PCDH11X: variants seen among roughly 807,000 people sequenced by gnomAD.
The protein encoded by PCDH11X is protocadherin 11 X-linked, also known as protocadherin-11 X-linked.
PCDH11X carries 18 observed loss-of-function variants against 53.3 expected under a neutral mutation model. The ratio of observed to expected loss-of-function variants is 0.34; its 90% confidence interval spans 0.23 to 0.50. PCDH11X has a LOEUF of 0.50. PCDH11X is among the 20% of genes least tolerant of loss of function. The pLI, the probability that PCDH11X is intolerant of heterozygous loss-of-function variation, is 0.98. For synonymous variants in PCDH11X, 279 were observed against 393.3 expected (o/e 0.71, Z 3.44); for missense variants, 570 against 1,032.4 (o/e 0.55, Z 6.14).
intron 9 of PCDH11X, among the ~76,000 whole-genome samples, chrX:92,433,725 C>A (rs1216218849): frequency 9.0e-6 from 1 of 111,522 alleles, no homozygotes; most frequent in Admixed American, 9.5e-5. Flanking sequence ...ATGTGCAGGA[C>A]AAATGATATA....
intron 10 of PCDH11X, among the ~76,000 whole-genome samples, chrX:92,563,046 C>A (rs1193448309): frequency 3.1e-5 from 2 of 65,440 alleles, no homozygotes; most frequent in African/African-American, 1.2e-4. Context: ...TCCTTGGTAC[C>A]GTTTTTTTTT....
At chrX:91,875,213 C>T (rs1309203073) in intron 5 of PCDH11X, among the ~76,000 whole-genome samples, 9 of 108,763 alleles carry the variant, frequency 8.3e-5, no homozygotes, top group Admixed American at 8.0e-4. Context: ...CATTTCTCCT[C>T]GGTAAGCTGG....
chrX:92,293,528 G>T (rs1181596936), intron 8 of PCDH11X, among the ~76,000 whole-genome samples: 1 of 108,354 alleles, frequency 9.2e-6, no homozygotes, highest in Non-Finnish European at 1.9e-5. Context: ...GGAGGCTGAG[G>T]CAGGAGAATG....
intron 10 of PCDH11X, among the ~76,000 whole-genome samples, chrX:92,609,651 G>T (rs1927160065): frequency 9.1e-6 from 1 of 109,954 alleles, no homozygotes; most frequent in South Asian, 3.9e-4. Flanking sequence ...TTGATTCAGG[G>T]GGTACATGTG....
At chrX:92,608,825 C>T (rs1927071015) in intron 10 of PCDH11X, among the ~76,000 whole-genome samples, 1 of 110,984 alleles carries the variant, frequency 9.0e-6, no homozygotes, top group South Asian at 3.7e-4. Context: ...TGCATACAAT[C>T]ATGTATCTAT....
chrX:92,506,059 T>G (rs1339489404), intron 10 of PCDH11X, among the ~76,000 whole-genome samples: 4 of 110,735 alleles, frequency 3.6e-5, no homozygotes, highest in African/African-American at 1.3e-4. Context: ...TGGGAGCTTT[T>G]GGGCAGAGAC....
intron 5 of PCDH11X, among the ~76,000 whole-genome samples, chrX:91,875,301 TGAGAC>T (rs1280967398): frequency 1.7e-4 from 16 of 92,944 alleles, no homozygotes; most frequent in African/African-American, 7.4e-4. Context: ...TTTTTTTTTT[TGAGAC>T]GAGTCTCACT....
chrX:92,387,247 A>G (rs1012219538), intron 8 of PCDH11X, among the ~76,000 whole-genome samples: 21 of 111,687 alleles, frequency 1.9e-4, no homozygotes, highest in Admixed American at 9.6e-5. Context: ...CTTCTAAAAG[A>G]TGATGTACTT....
At chrX:92,067,629 A>G (rs927931751) in intron 6 of PCDH11X, among the ~76,000 whole-genome samples, 2 of 111,334 alleles carry the variant, frequency 1.8e-5, no homozygotes, top group African/African-American at 6.5e-5. Flanking sequence ...TTTTTGATAC[A>G]TGTTTGTCTG....
At chrX:92,409,412 T>G (rs1369711244) in intron 9 of PCDH11X, among the ~76,000 whole-genome samples, 3 of 112,110 alleles carry the variant, frequency 2.7e-5, no homozygotes, top group Non-Finnish European at 5.6e-5. Flanking sequence ...CCTCTCTTAA[T>G]TGCTTTGTTA....
chrX:92,459,888 G>A, intron 9 of PCDH11X: 16 of 1,153,391 alleles, frequency 1.4e-5, no homozygotes, highest in Non-Finnish European at 1.9e-5. Context: ...TGGCAGGAAT[G>A]GGAGGCATCC....
chrX:92,523,157 C>T (rs140531769), intron 10 of PCDH11X, among the ~76,000 whole-genome samples: 1,593 of 112,141 alleles, frequency 0.014, 24 homozygotes, highest in African/African-American at 0.048. Flanking sequence ...TCCATTCTGT[C>T]GTTGCTATCC....
At chrX:92,061,882 G>T (rs1369182845) in intron 6 of PCDH11X, among the ~76,000 whole-genome samples, 1 of 111,486 alleles carries the variant, frequency 9.0e-6, no homozygotes, top group Non-Finnish European at 1.9e-5. Context: ...GATAATAATA[G>T]CACTGAATCT....
chrX:91,879,751 C>T (rs1033072851), intron 6 of PCDH11X: 11 of 764,422 alleles, frequency 1.4e-5, no homozygotes, highest in Non-Finnish European at 1.5e-5. Flanking sequence ...CCAAGTTATT[C>T]CCCCCATACT....
At chrX:91,908,442 G>C (rs1052686100) in intron 6 of PCDH11X, among the ~76,000 whole-genome samples, 2 of 111,627 alleles carry the variant, frequency 1.8e-5, no homozygotes, top group African/African-American at 6.5e-5. Context: ...CAACATCACT[G>C]ATCACTGAAA....
At chrX:91,789,072 C>CGG (rs1935432352) in intron 1 of PCDH11X, among the ~76,000 whole-genome samples, 3 of 106,569 alleles carry the variant, frequency 2.8e-5, no homozygotes, top group African/African-American at 1.0e-4. Flanking sequence ...CGTCTTGCTG[C>CGG]GCGCCTGTAC....
At chrX:92,194,215 G>A (rs1028136530) in intron 6 of PCDH11X, among the ~76,000 whole-genome samples, 24 of 111,811 alleles carry the variant, frequency 2.1e-4, no homozygotes, top group African/African-American at 7.8e-4. Context: ...AATCTTGAGC[G>A]ATTCTCAGAG....
At chrX:91,943,812 G>C (rs1231930181) in intron 6 of PCDH11X, among the ~76,000 whole-genome samples, 2 of 96,451 alleles carry the variant, frequency 2.1e-5, no homozygotes, top group Non-Finnish European at 4.1e-5. Context: ...GAGAAAACAC[G>C]TAAATATTAC....
At chrX:91,912,757 T>C (rs1352890804) in intron 6 of PCDH11X, among the ~76,000 whole-genome samples, 2 of 108,942 alleles carry the variant, frequency 1.8e-5, no homozygotes, top group Non-Finnish European at 3.8e-5. Context: ...CACTGTGATC[T>C]TTTGCTTCAA....
Sources: gnomAD v4.1 joint callset for allele counts (sites outside exome capture counted in the v4.1 genomes callset) on GRCh38, gnomAD v4.1.1 for gene constraint, MANE v1.5 for transcripts, NCBI Gene and HGNC (gene_info 2026-07-23, HGNC 2026-07-21) for gene names.